The following CDH7 variants were observed in gnomAD, a reference collection of about 807,000 sequenced individuals.
CDH7 encodes cadherin 7.
Under a neutral mutation model 71.8 loss-of-function variants are expected in CDH7, and 25 were observed. The observed-to-expected ratio is 0.35, with a 90% CI of 0.25 to 0.49. CDH7 has a LOEUF of 0.49. Among genes scored for constraint, CDH7 ranks in the 20% least tolerant of loss-of-function variants. The probability of loss-of-function intolerance (pLI) is 0.99; values close to 1 mark genes in which losing one functional copy is unlikely to be tolerated. For missense variants in CDH7, 862 were observed against 974.6 expected (o/e 0.88, Z 1.54); for synonymous variants, 381 against 363.8 (o/e 1.05, Z -0.54).
At chr18:65,850,330 T>C (rs1913104090) in intron 7 of CDH7, among the ~76,000 whole-genome samples, 1 of 151,494 alleles carries the variant, frequency 6.6e-6, no homozygotes. Flanking sequence ...CTTAACATTC[T>C]TTAATTATAA....
intron 4 of CDH7, among the ~76,000 whole-genome samples, chr18:65,821,685 A>G (rs1197991772): frequency 6.6e-6 from 1 of 152,196 alleles, no homozygotes; most frequent in African/African-American, 2.4e-5. Context: ...GAAAACTGAT[A>G]GTAAGTGGTT....
chr18:65,836,995 A>G (rs1381354812), intron 6 of CDH7, among the ~76,000 whole-genome samples: 1 of 152,210 alleles, frequency 6.6e-6, no homozygotes, highest in Non-Finnish European at 1.5e-5. Flanking sequence ...CAAGACCTCC[A>G]GAGCTCTTCT....
chr18:65,784,132 T>TTTTG (rs1910422679), intron 2 of CDH7, among the ~76,000 whole-genome samples: 1 of 144,726 alleles, frequency 6.9e-6, no homozygotes, highest in African/African-American at 2.7e-5. Context: ...TTTTTTTTTT[T>TTTTG]GTAGAGATTG....
chr18:65,883,928 C>A lies in CDH7; in HGVS notation c.*3034C>A, dbSNP rs1275762520. The A allele has an allele frequency of 6.6e-6, 1 of 152,010 alleles. No individual in the cohort carries two copies. Among genetic ancestry groups the A allele is most frequent in the African/African-American group, 2.4e-5 (1 of 41,420 alleles). 9.4% of individuals were successfully genotyped at this position (152,010 alleles called of 1,614,324 possible). ...AGAGGAGTCACTTCTTTATGGAAAA[C>A]AATGGCTAAATTTCAAGTAGAGATA... On this transcript the variant is annotated 3_prime_UTR_variant, in exon 12 of 12. Transcript: ENST00000397968.
At chr18:65,812,652 A>C (rs1471241221) in intron 3 of CDH7, among the ~76,000 whole-genome samples, 1 of 152,206 alleles carries the variant, frequency 6.6e-6, no homozygotes, top group East Asian at 1.9e-4. Context: ...CCAGAAGAAC[A>C]TAGACAGGTG....
At chr18:65,803,146 A>G (rs1044522180) in intron 2 of CDH7, 16 of 152,146 alleles carry the variant, frequency 1.1e-4, no homozygotes, top group African/African-American at 3.1e-4. Context: ...ATAAACTGGG[A>G]CCCAAGCACC....
At chr18:65,834,931 TG>T (rs1234665986) in intron 6 of CDH7, among the ~76,000 whole-genome samples, 1 of 152,212 alleles carries the variant, frequency 6.6e-6, no homozygotes, top group African/African-American at 2.4e-5. Flanking sequence ...TCCCCAAACC[TG>T]GTGCTTTAAT....
chr18:65,867,058 C>T (rs1360417557), intron 11 of CDH7, among the ~76,000 whole-genome samples: 1 of 128,988 alleles, frequency 7.8e-6, no homozygotes, highest in African/African-American at 2.9e-5. Flanking sequence ...TTTTTTTAGA[C>T]AGGGTCTTGC....
intron 4 of CDH7, among the ~76,000 whole-genome samples, chr18:65,819,834 A>C (rs1266651447): frequency 6.6e-6 from 1 of 151,206 alleles, no homozygotes; most frequent in Non-Finnish European, 1.5e-5. Flanking sequence ...CACAGCGTGA[A>C]TCTCCCCAGC....
intron 2 of CDH7, among the ~76,000 whole-genome samples, chr18:65,774,823 G>A (rs749663028): frequency 1.3e-5 from 2 of 152,028 alleles, no homozygotes. Context: ...GATGGTCCTG[G>A]CTTTATTTTA....
upstream of CDH7, chr18:65,750,369 C>G (rs574475788): frequency 6.6e-6 from 1 of 152,208 alleles, no homozygotes; most frequent in African/African-American, 2.4e-5. Flanking sequence ...ACGGCTTTCA[C>G]GACAGGCTAA....
intron 5 of CDH7, among the ~76,000 whole-genome samples, chr18:65,823,025 C>T (rs886526067): frequency 6.6e-6 from 1 of 151,690 alleles, no homozygotes; most frequent in Non-Finnish European, 1.5e-5. Flanking sequence ...AATGTCTGTA[C>T]AATGTCTCTA....
At chr18:65,846,815 C>T (rs1564818) in intron 7 of CDH7, among the ~76,000 whole-genome samples, 134,970 of 152,156 alleles carry the variant, frequency 0.89, 62,134 homozygotes, top group East Asian at 1. Context: ...TCCCAAGCTT[C>T]TCTGATGATT....
chr18:65,753,442 C>A (rs142545855), intron 1 of CDH7, among the ~76,000 whole-genome samples: 77 of 152,322 alleles, frequency 5.1e-4, no homozygotes, highest in African/African-American at 1.8e-3. Flanking sequence ...TATCACATCA[C>A]AGTTCTCTCT....
rs1404265093 is a variant in CDH7, at chr18:65,889,797, TTAGC to T, written c.*8907_*8910del. ...AAGCTAAAAAATAGAATGCAATAAA[TTAGC>T]TAGTCTGCCACATAGAGAAAAAAAG... On this transcript the variant is annotated 3_prime_UTR_variant, in exon 12 of 12. Transcript: ENST00000397968. 3 of 152,116 alleles carry T rather than the reference TTAGC, an allele frequency of 2.0e-5. No homozygotes were observed. Among genetic ancestry groups the T allele is most frequent in the Admixed American group, 2.0e-4 (3 of 15,270 alleles). The allele number at this position is 152,116 out of a possible 1,614,324, so 9.4% of individuals were successfully genotyped here.
At chr18:65,820,002 T>A (rs1911860643) in intron 4 of CDH7, among the ~76,000 whole-genome samples, 1 of 99,166 alleles carries the variant, frequency 1.0e-5, no homozygotes, top group Non-Finnish European at 2.3e-5. Flanking sequence ...ACCAAATTTT[T>A]AAGAAGATTC....
At chr18:65,763,594 G>GTGT (rs1555680614) in intron 2 of CDH7, among the ~76,000 whole-genome samples, 2,014 of 99,178 alleles carry the variant, frequency 0.02, 39 homozygotes, top group East Asian at 0.038. Flanking sequence ...TTGATAGGGG[G>GTGT]GTGTGTGTGT....
intron 2 of CDH7, among the ~76,000 whole-genome samples, chr18:65,805,689 G>A (rs1599018824): frequency 1.3e-5 from 2 of 152,344 alleles, no homozygotes; most frequent in East Asian, 3.9e-4. Context: ...CCATCGGGAA[G>A]CTCCGGGCCA....
At chr18:65,828,450 C>G (rs780482537) in intron 6 of CDH7, among the ~76,000 whole-genome samples, 42 of 151,992 alleles carry the variant, frequency 2.8e-4, no homozygotes, top group Non-Finnish European at 4.4e-4. Flanking sequence ...TTGTGACAAT[C>G]TGAAAATACT....
Sources: allele counts gnomAD v4.1 joint callset (sites outside exome capture counted in the v4.1 genomes callset), GRCh38; gene constraint gnomAD v4.1.1; transcripts MANE v1.5; gene names NCBI Gene and HGNC (gene_info 2026-07-23, HGNC 2026-07-21).